UBE2C: variants seen among roughly 807,000 people sequenced by gnomAD.
The protein encoded by UBE2C is ubiquitin conjugating enzyme E2 C, also known as ubiquitin-conjugating enzyme E2 C.
In UBE2C, 16 loss-of-function variants were observed where a neutral mutation model predicts 23.5. The observed-to-expected ratio is 0.68, with a 90% CI of 0.46 to 1.03. UBE2C has a LOEUF of 1.03. Ranked by LOEUF, UBE2C falls within the 50% of genes least tolerant of loss-of-function variation. The pLI is 0.00. For synonymous variants in UBE2C, 76 were observed against 91.6 expected (o/e 0.83, Z 0.97); for missense variants, 192 against 227.6 (o/e 0.84, Z 1.01).
intron 1 of UBE2C, 21 bp downstream of exon 1, chr20:45,812,817 C>T (rs1455340043): frequency 4.5e-6 from 7 of 1,546,676 alleles, no homozygotes; most frequent in Non-Finnish European, 6.1e-6. Context: ...CGGCCTACCA[C>T]TCGCCGGGCC....
chr20:45,816,186 G>A (rs1209919381), intron 5 of UBE2C, among the ~76,000 whole-genome samples: 11 of 152,256 alleles, frequency 7.2e-5, no homozygotes, highest in African/African-American at 2.7e-4. Flanking sequence ...ATTCAGTAGA[G>A]TGCCTTGCCT....
intron 3 of UBE2C, 66 bp downstream of exon 3, chr20:45,814,536 G>C: frequency 7.5e-7 from 1 of 1,341,298 alleles, no homozygotes; most frequent in Non-Finnish European, 1.0e-6. Context: ...CCAAGTGCGA[G>C]CTCTGCTTCA....
chr20:45,815,564 G>A lies in UBE2C; in HGVS notation c.240G>A (p.Lys80=). 1 of 1,614,056 alleles carries A rather than the reference G, an allele frequency of 6.2e-7. No individual in the cohort carries two copies. Residue 80 remains lysine (K), a synonymous_variant, in exon 4 of 6, where the codon AAG becomes AAA. Coordinates refer to ENST00000356455, the MANE Select transcript of UBE2C (RefSeq NM_007019.4). ...AGTVYEDLRY[K]LSLEFPSGYP... ...AGGTATATGAAGACCTGAGGTATAA[G>A]CTCTCGCTAGAGTTCCCCAGTGGCT...
intron 3 of UBE2C, among the ~76,000 whole-genome samples, chr20:45,814,899 C>T (rs1190609083): frequency 2.7e-5 from 4 of 149,648 alleles, no homozygotes; most frequent in East Asian, 2.0e-4. Flanking sequence ...ACTGCAGTGG[C>T]GCAATCTCGG....
At position 45,815,764 on chromosome 20, in the gene UBE2C, C is replaced by T. The variant is rs746129497; in HGVS notation, c.421+19C>T. The T allele has an allele frequency of 2.5e-6, 4 of 1,611,750 alleles. No homozygotes were observed. In the South Asian group the frequency reaches 3.3e-5, roughly 13 times the overall value. On this transcript the variant is annotated intron_variant, in intron 4 of 5. Coordinates refer to ENST00000356455, the MANE Select transcript of UBE2C (RefSeq NM_007019.4). Reference sequence around the variant, plus strand: ...CTAGGAGGTGACTTTAGAGACCACCCCTCCCCTCCATGCAACTTGGGAACC... The same window carrying T: ...CTAGGAGGTGACTTTAGAGACCACCTCTCCCCTCCATGCAACTTGGGAACC...
At chr20:45,814,029 G>A (rs750326810) in intron 2 of UBE2C, among the ~76,000 whole-genome samples, 65 of 151,696 alleles carry the variant, frequency 4.3e-4, no homozygotes, top group Non-Finnish European at 8.2e-4. Flanking sequence ...CATTTGAACC[G>A]TGGAGACAGA....
chr20:45,815,481 T>C (rs750643445), intron 3 of UBE2C, 60 bp from the exon 4 acceptor site: 2 of 1,614,182 alleles, frequency 1.2e-6, no homozygotes, highest in South Asian at 2.2e-5. Context: ...GTGTGGGGCT[T>C]GGGTTGGGAC....
rs1429878641 is a variant in UBE2C at position 45,813,378 on chromosome 20, A to G, written c.102-59A>G. 232 of 1,613,392 alleles carry G rather than the reference A, an allele frequency of 1.4e-4. 2 individuals are homozygous for G. Among genetic ancestry groups the G allele is most frequent in the Non-Finnish European group, 3.1e-5 (37 of 1,179,834 alleles). ...CTGAGATTCAGGTGGGAGAAGATGC[A>G]CCGTCTGGAGGCCTGGCCCATCCAG... On this transcript the variant is annotated intron_variant, in intron 1 of 5. Transcript: ENST00000356455.
rs150351110 is a variant in UBE2C at position 45,813,440 on chromosome 20, A to C, written c.105A>C (p.Leu35=). 7.4e-6 allele frequency: 12 copies of C among 1,614,112 alleles called. No individual in the cohort carries two copies. Among genetic ancestry groups the C allele is most frequent in the Non-Finnish European group, 9.3e-6 (11 of 1,180,012 alleles). Residue 35 remains leucine (L), a synonymous_variant, in exon 2 of 6, where the codon CTA becomes CTC. Coordinates refer to ENST00000356455, the MANE Select transcript of UBE2C (RefSeq NM_007019.4). The part of the protein sequence containing the change: ...GAARGPVGKR[L]QQELMTLMMS... ...ACCCCGAATACTCTTTTTTCAGGCT[A>C]CAGCAGGAGCTGATGACCCTCATGG...
chr20:45,816,704 T>TC lies in UBE2C; in HGVS notation c.482-3dup. ...ACTCACTGAGACCTGCCTGTTCTCTTCCAGCTTTTAAGAAGTACCTGCAAG... is the reference window on the plus strand; with the variant it reads ...ACTCACTGAGACCTGCCTGTTCTCTTCCCAGCTTTTAAGAAGTACCTGCAAG... On this transcript the variant is annotated splice_region_variant and splice_polypyrimidine_tract_variant and intron_variant, in intron 5 of 5. Transcript: ENST00000356455. 1 of 1,613,564 alleles carries TC rather than the reference T, an allele frequency of 6.2e-7. No homozygotes were observed. The highest frequency in any genetic ancestry group is 8.5e-7 in the Non-Finnish European group (1 of 1,179,662).
rs761500077 is a variant in UBE2C, at chr20:45,813,441, C to G, written c.106C>G (p.Gln36Glu). The change falls in exon 2 of 6, where the codon CAG (glutamine) becomes GAG (glutamate). Residue 36 changes from glutamine (Q) to glutamate (E), a missense_variant. Physicochemically the swap from Gln to Glu is conservative, Grantham distance 29. Transcript: ENST00000356455. ...CCCCGAATACTCTTTTTTCAGGCTA[C>G]AGCAGGAGCTGATGACCCTCATGGT... ...AARGPVGKRLQQELMTLMMSG... is the reference protein window; with the variant it reads ...AARGPVGKRLEQELMTLMMSG... The G allele has an allele frequency of 1.2e-6, 2 of 1,614,034 alleles. No homozygotes were observed. The highest frequency in any genetic ancestry group is 2.7e-5 in the African/African-American group (2 of 74,906).
intron 2 of UBE2C, 40 bp downstream of exon 2, chr20:45,813,504 A>G (rs778046706): frequency 8.7e-5 from 141 of 1,613,614 alleles, no homozygotes; most frequent in Non-Finnish European, 1.1e-4. Flanking sequence ...CTTCCATCCA[A>G]TTTTCAGTAG....
rs1568714711 is a variant in UBE2C, at chr20:45,814,270, G to GTATATATATATATATATA, written c.130-114_130-113insTATATATATATATATATA. 4.1e-5 allele frequency: 15 copies of GTATATATATATATATATA among 368,806 alleles called. No individual in the cohort carries two copies. The African/African-American group carries it at 7.6e-4, about 19-fold the overall frequency. The allele number at this position is 368,806 out of a possible 1,614,324, so 22.8% of individuals were successfully genotyped here. On this transcript the variant is annotated intron_variant, in intron 2 of 5. Coordinates refer to ENST00000356455, the MANE Select transcript of UBE2C (RefSeq NM_007019.4). ...TATATATGTGTGTGTGTGTATGTGAGCATATATATATATATATATATATAT... is the reference window on the plus strand; with the variant it reads ...TATATATGTGTGTGTGTGTATGTGAGTATATATATATATATATACATATATATATATATATATATATAT...
chr20:45,816,701 T>C lies in UBE2C; in HGVS notation c.482-8T>C, dbSNP rs976107634. ...ATCACTCACTGAGACCTGCCTGTTCTCTTCCAGCTTTTAAGAAGTACCTGC... is the reference window on the plus strand; with the variant it reads ...ATCACTCACTGAGACCTGCCTGTTCCCTTCCAGCTTTTAAGAAGTACCTGC... On this transcript the variant is annotated splice_polypyrimidine_tract_variant and splice_region_variant and intron_variant, in intron 5 of 5. Transcript: ENST00000356455. 6.2e-7 allele frequency: 1 copy of C among 1,613,322 alleles called. No individual in the cohort carries two copies. Among genetic ancestry groups the C allele is most frequent in the African/African-American group, 1.3e-5 (1 of 74,884 alleles).
chr20:45,815,789 C>T (rs1223492084), intron 4 of UBE2C, 44 bp downstream of exon 4: 1 of 1,612,488 alleles, frequency 6.2e-7, no homozygotes, highest in Admixed American at 1.7e-5. Flanking sequence ...ACTTGGGAAC[C>T]TGTCAGGACT....
At chr20:45,816,636 CAA>C in intron 5 of UBE2C, 71 bp from the exon 6 acceptor site, 1 of 1,451,634 alleles carries the variant, frequency 6.9e-7, no homozygotes, top group Non-Finnish European at 9.6e-7. Flanking sequence ...GACTCCATCT[CAA>C]AAATAATAAA....
chr20:45,816,625 A>G, intron 5 of UBE2C, 84 bp from the exon 6 acceptor site: 1 of 1,309,024 alleles, frequency 7.6e-7, no homozygotes, highest in Non-Finnish European at 1.1e-6. Context: ...CAACAGAGTG[A>G]GACTCCATCT....
intron 2 of UBE2C, among the ~76,000 whole-genome samples, chr20:45,814,002 G>A (rs995772852): frequency 1.3e-5 from 2 of 151,830 alleles, no homozygotes; most frequent in East Asian, 1.9e-4. Context: ...CTACTCGGGA[G>A]GCTGAGGCAC....
chr20:45,815,500 G>A (rs1044464325), intron 3 of UBE2C, 41 bp from the exon 4 acceptor site: 7 of 1,614,068 alleles, frequency 4.3e-6, no homozygotes, highest in South Asian at 1.1e-5. Context: ...ACATGAGGCT[G>A]CTGCTGGAGC....
Sources: allele counts gnomAD v4.1 joint callset (sites outside exome capture counted in the v4.1 genomes callset), GRCh38; gene constraint gnomAD v4.1.1; transcripts MANE v1.5; gene names NCBI Gene and HGNC (gene_info 2026-07-23, HGNC 2026-07-21).